PRDM10: variants seen among roughly 807,000 people sequenced by gnomAD.
PRDM10 encodes the protein PR/SET domain 10.
Under a neutral mutation model 133.1 loss-of-function variants are expected in PRDM10, and 65 were observed. That is an observed-to-expected ratio of 0.49 (90% CI 0.40 to 0.60). The LOEUF (loss-of-function observed/expected upper bound fraction) is 0.60. PRDM10 is among the 20% of genes least tolerant of loss of function. The pLI is 0.00. For synonymous variants in PRDM10, 582 were observed against 580.4 expected (o/e 1.00, Z -0.04); for missense variants, 1,137 against 1,507.1 (o/e 0.75, Z 4.07).
intron 13 of PRDM10, among the ~76,000 whole-genome samples, chr11:129,919,092 C>T (rs1270945379): frequency 4.6e-5 from 7 of 152,130 alleles, no homozygotes; most frequent in South Asian, 2.1e-4. Context: ...CAGTGTAGGC[C>T]GGGTGTGGTG....
intron 1 of PRDM10, among the ~76,000 whole-genome samples, chr11:130,002,286 G>A (rs1939459083): frequency 6.6e-6 from 1 of 151,392 alleles, no homozygotes; most frequent in South Asian, 2.1e-4. Context: ...CAGGGGAGGA[G>A]AGGTGCGCGC....
intron 15 of PRDM10, 121 bp from the exon 16 acceptor site, chr11:129,915,981 A>G (rs1950344869): frequency 3.4e-6 from 3 of 874,014 alleles, no homozygotes; most frequent in African/African-American, 3.4e-5. Context: ...CAAATAAAAT[A>G]TATTAATATG....
chr11:130,002,163 T>C (rs1422845984), intron 1 of PRDM10, among the ~76,000 whole-genome samples: 3 of 148,668 alleles, frequency 2.0e-5, no homozygotes, highest in Non-Finnish European at 3.0e-5. Context: ...CAGCCCCCGG[T>C]GCTCGGCTCC....
At chr11:129,919,890 G>A (rs1950471284) in intron 13 of PRDM10, among the ~76,000 whole-genome samples, 1 of 152,160 alleles carries the variant, frequency 6.6e-6, no homozygotes, top group Non-Finnish European at 1.5e-5. Flanking sequence ...CTCTTCTGCT[G>A]CAATGCATAC....
At chr11:129,976,840 T>C (rs548607356) in intron 1 of PRDM10, among the ~76,000 whole-genome samples, 1 of 151,966 alleles carries the variant, frequency 6.6e-6, no homozygotes, top group South Asian at 2.1e-4. Flanking sequence ...ATAATACAAA[T>C]TCCAGCACAA....
At position 129,931,055 on chromosome 11, in the gene PRDM10, C is replaced by T. The variant is rs1313428061; in HGVS notation, c.1491G>A (p.Thr497=). 1.9e-6 allele frequency: 3 copies of T among 1,614,020 alleles called. No homozygotes were observed. Among genetic ancestry groups the T allele is most frequent in the Non-Finnish European group, 2.5e-6 (3 of 1,179,962 alleles). The change falls in exon 11 of 21, where the codon ACG becomes ACA. Residue 497 remains threonine (T), a synonymous_variant. Transcript: ENST00000360871. ...CTCTGCGCATGTCGTCGGCTGTCAG[C>T]GTGCTCTGGGTGGGCACCACGCTCT... ...HEESVVPTQS[T]LTADDMRRAK...
intron 1 of PRDM10, among the ~76,000 whole-genome samples, chr11:129,963,018 G>A (rs1242905883): frequency 3.3e-5 from 5 of 151,894 alleles, no homozygotes; most frequent in African/African-American, 1.2e-4. Flanking sequence ...GTGTGGTGGT[G>A]TGCACCTGTG....
At chr11:129,951,292 C>G (rs1157327890) in intron 4 of PRDM10, among the ~76,000 whole-genome samples, 1 of 152,196 alleles carries the variant, frequency 6.6e-6, no homozygotes, top group African/African-American at 2.4e-5. Context: ...TGACTCTGCA[C>G]TGCCTTTTCC....
intron 9 of PRDM10, 86 bp from the exon 10 acceptor site, chr11:129,932,317 CAG>C: frequency 6.7e-7 from 1 of 1,501,852 alleles, no homozygotes; most frequent in Non-Finnish European, 9.0e-7. Flanking sequence ...TTACTAACCC[CAG>C]AGTTTGATTC....
chr11:129,905,235 G>A (rs182648580), intron 20 of PRDM10, among the ~76,000 whole-genome samples: 6 of 152,110 alleles, frequency 3.9e-5, no homozygotes, highest in Admixed American at 3.3e-4. Flanking sequence ...GGTGGTGCGT[G>A]TCTGTAATCC....
chr11:129,937,610 C>T lies in PRDM10; in HGVS notation c.1027G>A (p.Glu343Lys). ...VNQKIHDISE[E>K]ERKVLREQEK... ...AACGTCTAACCACCTTTCCTTTCTT[C>T]CTCAGAAATGTCATGAATTTTCTGG... The change falls in exon 8 of 21, where the codon GAA becomes AAA. Residue 343 changes from glutamate (E) to lysine (K), a missense_variant. Glu to Lys is a moderately conservative substitution (Grantham distance 56). Coordinates refer to ENST00000360871, the MANE Select transcript of PRDM10 (RefSeq NM_199437.2). 3 of 1,613,458 alleles carry T rather than the reference C, an allele frequency of 1.9e-6. No individual in the cohort carries two copies. Among genetic ancestry groups the T allele is most frequent in the Non-Finnish European group, 2.5e-6 (3 of 1,179,848 alleles).
intron 1 of PRDM10, among the ~76,000 whole-genome samples, chr11:129,963,918 G>A (rs1467946275): frequency 2.0e-5 from 3 of 152,156 alleles, no homozygotes; most frequent in African/African-American, 7.2e-5. Flanking sequence ...CAGCTGTCCT[G>A]CCCTTCAGTC....
intron 17 of PRDM10, 132 bp downstream of exon 17, chr11:129,914,572 G>C (rs1202939888): frequency 1.6e-6 from 2 of 1,242,870 alleles, no homozygotes; most frequent in Non-Finnish European, 1.2e-6. Context: ...GGAAGGGGCA[G>C]TTGTAAAATG....
chr11:129,948,404 T>C (rs1951489579), intron 4 of PRDM10, among the ~76,000 whole-genome samples: 1 of 152,184 alleles, frequency 6.6e-6, no homozygotes, highest in African/African-American at 2.4e-5. Flanking sequence ...TCAGCCACCT[T>C]CTAAATCCTA....
Position 129,947,973 on chromosome 11 carries a change from C to T in PRDM10, c.295-603G>A, listed in dbSNP as rs757547859. 22 of 450,450 alleles carry T rather than the reference C, an allele frequency of 4.9e-5. No individual in the cohort carries two copies. Among genetic ancestry groups the T allele is most frequent in the East Asian group, 7.0e-5 (1 of 14,344 alleles). 27.9% of individuals were successfully genotyped at this position (450,450 alleles called of 1,614,324 possible). Reference sequence around the variant, plus strand: ...ACCACTTGTCTTTTAAAACTAAACACGTCGTGCAACACATGGTTAACAAAG... The same window carrying T: ...ACCACTTGTCTTTTAAAACTAAACATGTCGTGCAACACATGGTTAACAAAG... On this transcript the variant is annotated intron_variant, in intron 4 of 20. Coordinates refer to ENST00000360871, the MANE Select transcript of PRDM10 (RefSeq NM_199437.2). This position sits in a 1 kb window ranked among gnomAD's most constrained non-coding sequence, Gnocchi z 4.6.
In PRDM10 at chr11:129,902,293, T is replaced by C; in HGVS notation, c.*20A>G. On this transcript the variant is annotated 3_prime_UTR_variant, in exon 21 of 21. Transcript: ENST00000360871. ...GAACAGACATGAGGTGGGTGCTGGA[T>C]TCAAGCTCCAGGGTGGAAGTCATGG... 1 of 1,612,444 alleles carries C rather than the reference T, an allele frequency of 6.2e-7. No individual in the cohort carries two copies. Among genetic ancestry groups the C allele is most frequent in the Non-Finnish European group, 8.5e-7 (1 of 1,178,962 alleles).
At chr11:129,961,293 G>C (rs945284555) in intron 1 of PRDM10, among the ~76,000 whole-genome samples, 1 of 151,564 alleles carries the variant, frequency 6.6e-6, no homozygotes, top group African/African-American at 2.4e-5. Flanking sequence ...GGGTTTTTTT[G>C]GGGGGGTGAG....
intron 10 of PRDM10, among the ~76,000 whole-genome samples, chr11:129,931,555 ATTTT>A (rs1267239727): frequency 6.8e-6 from 1 of 148,106 alleles, no homozygotes; most frequent in East Asian, 2.0e-4. Flanking sequence ...TTATTTATTT[ATTTT>A]TATTTTATTT....
chr11:129,974,494 G>A (rs1182858886), intron 1 of PRDM10, among the ~76,000 whole-genome samples: 1 of 152,138 alleles, frequency 6.6e-6, no homozygotes, highest in Non-Finnish European at 1.5e-5. Context: ...AACAGAATAA[G>A]TAGAAGGTGA....
Sources: gnomAD v4.1 joint callset for allele counts (sites outside exome capture counted in the v4.1 genomes callset) on GRCh38, gnomAD v4.1.1 for gene constraint, Gnocchi (gnomAD v3.1) non-coding constraint, MANE v1.5 for transcripts, NCBI Gene and HGNC (gene_info 2026-07-23, HGNC 2026-07-21) for gene names.